Variants in RASAL2 observed in about 807,000 individuals in gnomAD.
RASAL2 encodes the protein RAS protein activator like 2, also known as ras GTPase-activating protein nGAP.
Under a neutral mutation model 128.9 loss-of-function variants are expected in RASAL2, and 58 were observed. That is an observed-to-expected ratio of 0.45 (90% CI 0.36 to 0.56). RASAL2 has a LOEUF of 0.56. Ranked by LOEUF, RASAL2 falls within the 20% of genes least tolerant of loss-of-function variation. RASAL2 has a pLI of 0.00. For synonymous variants in RASAL2, 561 were observed against 580.8 expected (o/e 0.97, Z 0.49); for missense variants, 1,360 against 1,601.6 (o/e 0.85, Z 2.57).
At chr1:178,254,220 T>C (rs1665204469) in intron 1 of RASAL2, among the ~76,000 whole-genome samples, 1 of 152,200 alleles carries the variant, frequency 6.6e-6, no homozygotes, top group South Asian at 2.1e-4. Flanking sequence ...TTCTGGGTAA[T>C]GTCTATTTAT....
chr1:178,262,836 C>T (rs1435513819), intron 1 of RASAL2, among the ~76,000 whole-genome samples: 1 of 147,004 alleles, frequency 6.8e-6, no homozygotes, highest in African/African-American at 2.5e-5. Flanking sequence ...AATTGGTAGA[C>T]TGACCTAAAT....
Position 178,097,737 on chromosome 1 carries a change from CT to C in RASAL2, c.202+3045del, listed in dbSNP as rs571009097. Among the ~76,000 whole-genome samples, 389 of 152,248 alleles carry C rather than the reference CT, an allele frequency of 2.6e-3. 4 individuals carry two copies. The highest frequency in any genetic ancestry group is 9.1e-3 in the African/African-American group (377 of 41,532). On this transcript the variant is annotated intron_variant, in intron 1 of 17. Coordinates refer to ENST00000367649, the MANE Select transcript of RASAL2 (RefSeq NM_170692.4). ...ACAGAAGTAACCCCCCAAAGAATAT[CT>C]TAACAGGAACTTCTAGAAACAATAT...
chr1:178,346,081 AG>A (rs1192913340), intron 3 of RASAL2, among the ~76,000 whole-genome samples: 1 of 152,202 alleles, frequency 6.6e-6, no homozygotes, highest in African/African-American at 2.4e-5. Context: ...CTGAAATTTA[AG>A]GAGTTTTTTT....
intron 4 of RASAL2, among the ~76,000 whole-genome samples, chr1:178,411,309 A>G (rs1270756119): frequency 6.6e-5 from 10 of 152,206 alleles, no homozygotes; most frequent in Admixed American, 1.3e-4. Flanking sequence ...ATGGAAAACC[A>G]AATATTGTAT....
chr1:178,343,537 A>G (rs1410084639), intron 3 of RASAL2, among the ~76,000 whole-genome samples: 2 of 152,200 alleles, frequency 1.3e-5, no homozygotes, highest in African/African-American at 2.4e-5. Flanking sequence ...TTGTGTGTGT[A>G]TATTATATGA....
intron 2 of RASAL2, among the ~76,000 whole-genome samples, chr1:178,285,107 T>C (rs1454649204): frequency 1.8e-5 from 2 of 111,366 alleles, no homozygotes; most frequent in East Asian, 2.4e-4. Context: ...TACTTTCTTT[T>C]TTTTTTTTTT....
chr1:178,116,078 G>A lies in RASAL2; in HGVS notation c.202+21384G>A, dbSNP rs185133676. ...GGATGTTTTAAAATCCTATTCATCC[G>A]TTAGTACCCAGCACAAATAGAACTT... is the stretch of plus-strand genomic sequence containing the variant. On this transcript the variant is annotated intron_variant, in intron 1 of 17. Transcript: ENST00000367649. Among the ~76,000 whole-genome samples, 7 of 152,206 alleles carry A rather than the reference G, an allele frequency of 4.6e-5. No individual in the cohort carries two copies. In the East Asian group the frequency reaches 5.8e-4, roughly 13 times the overall value.
At chr1:178,178,819 A>G (rs932432190) in intron 1 of RASAL2, among the ~76,000 whole-genome samples, 1 of 152,206 alleles carries the variant, frequency 6.6e-6, no homozygotes, top group South Asian at 2.1e-4. Flanking sequence ...GGAATTCTGT[A>G]TTAATTCTTT....
chr1:178,422,141 T>G (rs1675190636), intron 5 of RASAL2, among the ~76,000 whole-genome samples: 2 of 152,006 alleles, frequency 1.3e-5, no homozygotes, highest in African/African-American at 2.4e-5. Flanking sequence ...TTTTAAAGTT[T>G]ACATTATTTT....
At chr1:178,402,172 T>G (rs1673669581) in intron 4 of RASAL2, among the ~76,000 whole-genome samples, 1 of 152,170 alleles carries the variant, frequency 6.6e-6, no homozygotes, top group South Asian at 2.1e-4. Flanking sequence ...TCCCAGCACT[T>G]TGGGAGGCCA....
Position 178,327,202 on chromosome 1 carries a change from A to T in RASAL2, c.457+27084A>T, listed in dbSNP as rs182985641. On this transcript the variant is annotated intron_variant, in intron 3 of 17. Transcript: ENST00000367649. The stretch of plus-strand genomic sequence containing the variant: ...TCCTCTTAAGTAGCTTTTTAAAACT[A>T]TAGTATTTCCTAATATTCATTTAGA... Among the ~76,000 whole-genome samples, 165 of 152,288 alleles carry T rather than the reference A, an allele frequency of 1.1e-3. 1 individual carries two copies. Among genetic ancestry groups the T allele is most frequent in the African/African-American group, 3.9e-3 (162 of 41,580 alleles).
intron 14 of RASAL2, among the ~76,000 whole-genome samples, chr1:178,462,111 G>GC (rs1432952710): frequency 3.3e-5 from 5 of 151,972 alleles, no homozygotes; most frequent in African/African-American, 7.3e-5. Flanking sequence ...TCTTTCTAAG[G>GC]CCATTCCTAA....
At chr1:178,220,414 C>T (rs1200802653) in intron 1 of RASAL2, among the ~76,000 whole-genome samples, 1 of 151,864 alleles carries the variant, frequency 6.6e-6, no homozygotes, top group Non-Finnish European at 1.5e-5. Context: ...TTGTGGTGCC[C>T]CCAAACAATT....
At chr1:178,100,361 CAA>C (rs11300878) in intron 1 of RASAL2, among the ~76,000 whole-genome samples, 531 of 142,790 alleles carry the variant, frequency 3.7e-3, no homozygotes, top group Middle Eastern at 3.6e-3. Flanking sequence ...ACTATAAATA[CAA>C]AAAAAAAAAA....
chr1:178,116,582 C>A (rs1370775195), intron 1 of RASAL2, among the ~76,000 whole-genome samples: 1 of 151,632 alleles, frequency 6.6e-6, no homozygotes, highest in African/African-American at 2.4e-5. Context: ...AATCTTTGCT[C>A]AAAGTTTCTT....
At chr1:178,254,536 A>C (rs1665227294) in intron 1 of RASAL2, among the ~76,000 whole-genome samples, 1 of 152,222 alleles carries the variant, frequency 6.6e-6, no homozygotes, top group African/African-American at 2.4e-5. Flanking sequence ...ACAAAAGTTC[A>C]AGAAAACTTA....
chr1:178,105,615 T>G (rs1193251446), intron 1 of RASAL2, among the ~76,000 whole-genome samples: 1 of 152,114 alleles, frequency 6.6e-6, no homozygotes, highest in Admixed American at 6.6e-5. Context: ...TGGGAAAGTA[T>G]GGCAGTATTT....
chr1:178,149,683 T>C (rs1344191601), intron 1 of RASAL2, among the ~76,000 whole-genome samples: 4 of 152,254 alleles, frequency 2.6e-5, no homozygotes, highest in African/African-American at 9.6e-5. Flanking sequence ...AACTGTCCTG[T>C]ATTCTGTTTA....
chr1:178,388,466 G>A (rs1284823780), intron 3 of RASAL2, among the ~76,000 whole-genome samples: 1 of 152,182 alleles, frequency 6.6e-6, no homozygotes, highest in Non-Finnish European at 1.5e-5. Context: ...TGGTTAGAGA[G>A]AAGTTAAGGG....
Sources: allele counts gnomAD v4.1 joint callset (sites outside exome capture counted in the v4.1 genomes callset), GRCh38; gene constraint gnomAD v4.1.1; transcripts MANE v1.5; gene names NCBI Gene and HGNC (gene_info 2026-07-23, HGNC 2026-07-21).